The following GPR158 variants were observed in gnomAD, a reference collection of about 807,000 sequenced individuals.
The protein encoded by GPR158 is metabotropic glycine receptor.
A neutral mutation model predicts 78.2 loss-of-function variants in GPR158; 30 were observed. That is an observed-to-expected ratio of 0.38 (90% CI 0.29 to 0.52). The LOEUF (loss-of-function observed/expected upper bound fraction) is 0.52, where lower values mean the gene tolerates loss of function less well. Ranked by LOEUF, GPR158 falls within the 20% of genes least tolerant of loss-of-function variation. The pLI, the probability that GPR158 is intolerant of heterozygous loss-of-function variation, is 0.83. For missense variants in GPR158, 1,463 were observed against 1,523.5 expected, an observed-to-expected ratio of 0.96 and a Z score of 0.66; for synonymous variants, 581 against 591.1, an observed-to-expected ratio of 0.98 and a Z score of 0.25.
At chr10:25,537,490 C>A (rs1836515974) in intron 5 of GPR158, among the ~76,000 whole-genome samples, 1 of 152,060 alleles carries the variant, frequency 6.6e-6, no homozygotes, top group South Asian at 2.1e-4. Flanking sequence ...GAAAGCATGT[C>A]TAATACTAAA....
chr10:25,223,567 G>T (rs1853331236), intron 2 of GPR158, among the ~76,000 whole-genome samples: 1 of 152,206 alleles, frequency 6.6e-6, no homozygotes, highest in African/African-American at 2.4e-5. Context: ...TTAGAGATTA[G>T]AAGCTGGCTT....
chr10:25,310,625 A>T (rs1854749303), intron 2 of GPR158, among the ~76,000 whole-genome samples: 1 of 151,996 alleles, frequency 6.6e-6, no homozygotes, highest in African/African-American at 2.4e-5. Flanking sequence ...TTTATTTATT[A>T]GGGGTGTTTG....
chr10:25,571,039 T>C (rs950637892), intron 6 of GPR158, among the ~76,000 whole-genome samples: 1 of 152,206 alleles, frequency 6.6e-6, no homozygotes. Flanking sequence ...TCATAACAAA[T>C]AGTAATTAAA....
intron 5 of GPR158, among the ~76,000 whole-genome samples, chr10:25,533,393 T>C (rs953243312): frequency 5.3e-5 from 8 of 152,184 alleles, no homozygotes; most frequent in Non-Finnish European, 8.8e-5. Context: ...CCTGGACTTA[T>C]ATATATTTTA....
intron 2 of GPR158, among the ~76,000 whole-genome samples, chr10:25,357,410 G>C (rs949164115): frequency 6.6e-6 from 1 of 152,112 alleles, no homozygotes; most frequent in South Asian, 2.1e-4. Flanking sequence ...CTTCATGGCA[G>C]CCTTTCCCAT....
intron 4 of GPR158, among the ~76,000 whole-genome samples, chr10:25,442,370 AC>A (rs1835079473): frequency 6.6e-6 from 1 of 152,188 alleles, no homozygotes; most frequent in Non-Finnish European, 1.5e-5. Context: ...AAAAGATATA[AC>A]TACATAAGAC....
chr10:25,596,689 C>T lies in GPR158; in HGVS notation c.2045C>T (p.Ala682Val), dbSNP rs1195500578. The T allele has an allele frequency of 3.1e-6, 5 of 1,613,216 alleles. No homozygotes were observed. In the African/African-American group the frequency reaches 4.0e-5, roughly 13 times the overall value. The part of the protein sequence containing the change: ...NNPRDDIATE[A>V]YEDELDMGRS... ...CCACGAGATGATATTGCTACAGAAG[C>T]ATATGAGGATGAGCTAGACATGGGC... Residue 682 changes from alanine (A) to valine (V), a missense_variant, in exon 10 of 11, where the codon GCA (alanine) becomes GTA (valine). Transcript: ENST00000376351.
chr10:25,526,547 G>A (rs553178392), intron 5 of GPR158, among the ~76,000 whole-genome samples: 2 of 152,274 alleles, frequency 1.3e-5, no homozygotes, highest in Admixed American at 1.3e-4. Context: ...TGGATAGTGG[G>A]TTTATGTAAG....
At chr10:25,372,853 A>G (rs1488624613) in intron 2 of GPR158, among the ~76,000 whole-genome samples, 1 of 94,718 alleles carries the variant, frequency 1.1e-5, no homozygotes, top group Non-Finnish European at 2.3e-5. Flanking sequence ...AAACTTTAAT[A>G]ATAATAAAAT....
At position 25,598,906 on chromosome 10, in the gene GPR158, G is replaced by T; in HGVS notation, c.3280G>T (p.Val1094Phe). The change falls in exon 11 of 11, where the codon GTT (valine) becomes TTT (phenylalanine). Residue 1094 changes from valine (V) to phenylalanine (F), a missense_variant. Val to Phe is a conservative substitution (Grantham distance 50). Transcript: ENST00000376351. ...GAAGCTTTTGATTTCCAAGACTCCAGTTCTCCCAGAGAGGGCAAAAGAGGA... is the reference window on the plus strand; with the variant it reads ...GAAGCTTTTGATTTCCAAGACTCCATTTCTCCCAGAGAGGGCAAAAGAGGA... ...DEKLLISKTP[V>F]LPERAKEENG... The T allele has an allele frequency of 6.2e-7, 1 of 1,614,022 alleles. No homozygotes were observed. Among genetic ancestry groups the T allele is most frequent in the Non-Finnish European group, 8.5e-7 (1 of 1,180,000 alleles).
chr10:25,363,216 A>C (rs963803625), intron 2 of GPR158, among the ~76,000 whole-genome samples: 9 of 151,984 alleles, frequency 5.9e-5, no homozygotes, highest in Admixed American at 6.6e-5. Flanking sequence ...TTATAGATCC[A>C]ATCACAGCAT....
intron 1 of GPR158, among the ~76,000 whole-genome samples, chr10:25,219,050 A>G (rs574733824): frequency 5.4e-4 from 83 of 152,308 alleles, no homozygotes; most frequent in South Asian, 2.3e-3. Flanking sequence ...GTTATTTCCA[A>G]GGAGCATAAA....
chr10:25,416,009 T>C (rs530822206), intron 4 of GPR158, among the ~76,000 whole-genome samples: 3 of 152,284 alleles, frequency 2.0e-5, no homozygotes, highest in South Asian at 4.1e-4. Flanking sequence ...ATGTGTATTA[T>C]ATCTCAATAA....
At chr10:25,394,816 G>C (rs1363784102) in intron 2 of GPR158, among the ~76,000 whole-genome samples, 1 of 151,962 alleles carries the variant, frequency 6.6e-6, no homozygotes, top group African/African-American at 2.4e-5. Context: ...GAGTTTTTGT[G>C]ATATGTAATA....
At chr10:25,405,161 G>A (rs948404581) in intron 3 of GPR158, among the ~76,000 whole-genome samples, 4 of 151,894 alleles carry the variant, frequency 2.6e-5, no homozygotes, top group African/African-American at 7.3e-5. Context: ...ATAGATGAAC[G>A]ATAACATTGG....
chr10:25,582,156 A>C (rs1425164580), intron 7 of GPR158, among the ~76,000 whole-genome samples: 1 of 152,174 alleles, frequency 6.6e-6, no homozygotes, highest in Non-Finnish European at 1.5e-5. Flanking sequence ...TGGGAGCTAC[A>C]ATTCAAGATG....
intron 2 of GPR158, among the ~76,000 whole-genome samples, chr10:25,249,867 G>A: frequency 6.9e-6 from 1 of 144,274 alleles, no homozygotes; most frequent in Non-Finnish European, 1.5e-5. Context: ...CTATTGATTG[G>A]AATAGTTTCA....
At chr10:25,560,302 G>C (rs1836844644) in intron 6 of GPR158, among the ~76,000 whole-genome samples, 1 of 152,144 alleles carries the variant, frequency 6.6e-6, no homozygotes, top group South Asian at 2.1e-4. Context: ...GTCTCGCTCT[G>C]TCACCCAGGC....
intron 2 of GPR158, among the ~76,000 whole-genome samples, chr10:25,237,503 CATA>C (rs1187947386): frequency 6.6e-6 from 1 of 152,068 alleles, no homozygotes; most frequent in African/African-American, 2.4e-5. Context: ...CTGCATATGC[CATA>C]ATGACTCAGT....
Sources: gnomAD v4.1 joint callset for allele counts (sites outside exome capture counted in the v4.1 genomes callset) on GRCh38, gnomAD v4.1.1 for gene constraint, MANE v1.5 for transcripts, NCBI Gene and HGNC (gene_info 2026-07-23, HGNC 2026-07-21) for gene names.